Variants in IKZF2 observed in about 807,000 individuals in gnomAD.
The protein encoded by IKZF2 is zinc finger protein Helios.
Under a neutral mutation model 49.2 loss-of-function variants are expected in IKZF2, and 15 were observed. The observed-to-expected ratio is 0.30, with a 90% confidence interval of 0.20 to 0.47. The LOEUF is 0.47. Among genes scored for constraint, IKZF2 ranks in the 20% least tolerant of loss-of-function variants. IKZF2 has a pLI of 1.00. For missense variants in IKZF2, 567 were observed against 664.6 expected, an observed-to-expected ratio of 0.85 and a Z score of 1.61; for synonymous variants, 227 against 221.4, an observed-to-expected ratio of 1.03 and a Z score of -0.23.
rs578092725 is a variant in IKZF2 at position 213,054,639 on chromosome 2, G to A, written c.406+2194C>T. 6.6e-5 allele frequency among the ~76,000 whole-genome samples: 10 copies of A among 152,188 alleles called. No homozygotes were observed. In the East Asian group the frequency reaches 1.2e-3, roughly 18 times the overall value. On this transcript the variant is annotated intron_variant, in intron 5 of 8. Coordinates refer to ENST00000434687, the MANE Select transcript of IKZF2 (RefSeq NM_001387220.1). ...GCATGACAGGTATCACAGCTTCTCC[G>A]TAAATGGCTATTAACTTTAAGAAAA...
intron 4 of IKZF2, among the ~76,000 whole-genome samples, chr2:213,114,220 G>A (rs1350684154): frequency 6.6e-6 from 1 of 152,042 alleles, no homozygotes; most frequent in African/African-American, 2.4e-5. Flanking sequence ...ATAATAAAAA[G>A]GTGTGGATGT....
intron 4 of IKZF2, among the ~76,000 whole-genome samples, chr2:213,096,962 T>A (rs1706071049): frequency 6.6e-6 from 1 of 151,994 alleles, no homozygotes; most frequent in African/African-American, 2.4e-5. Flanking sequence ...TTTATTTCAT[T>A]GATTGGAAAT....
At chr2:213,099,255 A>C (rs1403429332) in intron 4 of IKZF2, among the ~76,000 whole-genome samples, 1 of 152,152 alleles carries the variant, frequency 6.6e-6, no homozygotes, top group Non-Finnish European at 1.5e-5. Context: ...GAAGGAAACA[A>C]ATATTGTAAA....
intron 4 of IKZF2, among the ~76,000 whole-genome samples, chr2:213,121,587 A>G (rs936260053): frequency 2.6e-5 from 4 of 152,232 alleles, no homozygotes; most frequent in African/African-American, 9.6e-5. Context: ...TACAAGGACC[A>G]TTATGAAATG....
chr2:213,148,578 A>T lies in IKZF2; in HGVS notation c.34+18T>A. The T allele has an allele frequency of 1.3e-6, 2 of 1,590,146 alleles. No homozygotes were observed. Among genetic ancestry groups the T allele is most frequent in the Middle Eastern group, 1.7e-4 (1 of 6,000 alleles). Reference sequence around the variant, plus strand: ...CAACTTTATTACCAATAACAAATCAATGAAAACTAATACTTACACGTTATA... The same window carrying T: ...CAACTTTATTACCAATAACAAATCATTGAAAACTAATACTTACACGTTATA... On this transcript the variant is annotated intron_variant, in intron 3 of 8. Coordinates refer to ENST00000434687, the MANE Select transcript of IKZF2 (RefSeq NM_001387220.1).
intron 4 of IKZF2, among the ~76,000 whole-genome samples, chr2:213,141,495 T>C (rs949512370): frequency 4.6e-5 from 7 of 151,998 alleles, no homozygotes; most frequent in African/African-American, 1.7e-4. Flanking sequence ...AGACTCCAAC[T>C]TTATAGTCTA....
At chr2:213,028,568 A>G (rs1488836416) in intron 6 of IKZF2, among the ~76,000 whole-genome samples, 1 of 152,094 alleles carries the variant, frequency 6.6e-6, no homozygotes, top group Non-Finnish European at 1.5e-5. Context: ...TTTTACGTAC[A>G]CAGTTCTTAC....
At chr2:213,101,664 T>A (rs1219583577) in intron 4 of IKZF2, among the ~76,000 whole-genome samples, 1 of 152,146 alleles carries the variant, frequency 6.6e-6, no homozygotes, top group Non-Finnish European at 1.5e-5. Flanking sequence ...AGTACGACCC[T>A]AACGTCTTAT....
At chr2:213,139,117 A>G (rs1437544943) in intron 4 of IKZF2, among the ~76,000 whole-genome samples, 1 of 152,032 alleles carries the variant, frequency 6.6e-6, no homozygotes, top group Non-Finnish European at 1.5e-5. Flanking sequence ...AAGCAGAAAT[A>G]TAAATCACAC....
chr2:213,085,637 C>T (rs1368229883), intron 4 of IKZF2, among the ~76,000 whole-genome samples: 5 of 152,166 alleles, frequency 3.3e-5, no homozygotes, highest in Non-Finnish European at 5.9e-5. Context: ...GGTGTTGCAG[C>T]ATTAATGATA....
chr2:213,089,029 C>A (rs990815960), intron 4 of IKZF2, among the ~76,000 whole-genome samples: 3 of 152,114 alleles, frequency 2.0e-5, no homozygotes, highest in Non-Finnish European at 4.4e-5. Context: ...TCCTGGCTCT[C>A]GAATCCTTTG....
chr2:213,079,952 GC>G (rs1703747732), intron 4 of IKZF2, among the ~76,000 whole-genome samples: 1 of 152,086 alleles, frequency 6.6e-6, no homozygotes, highest in African/African-American at 2.4e-5. Context: ...CTGGAACCCT[GC>G]CAAAAGCTTT....
At chr2:213,084,497 G>A (rs1490665967) in intron 4 of IKZF2, among the ~76,000 whole-genome samples, 1 of 151,702 alleles carries the variant, frequency 6.6e-6, no homozygotes, top group East Asian at 1.9e-4. Context: ...TTTGGGGTAA[G>A]GAAATGAACA....
chr2:213,029,139 G>C (rs187480955), intron 6 of IKZF2, among the ~76,000 whole-genome samples: 1 of 151,910 alleles, frequency 6.6e-6, no homozygotes, highest in African/African-American at 2.4e-5. Flanking sequence ...TTCTTGTAAT[G>C]TCTTTGATTT....
At position 213,007,637 on chromosome 2, in the gene IKZF2, G is replaced by A. The variant is rs1695477013; in HGVS notation, c.1304C>T (p.Ala435Val). 1 of 1,613,676 alleles carries A rather than the reference G, an allele frequency of 6.2e-7. No individual in the cohort carries two copies. The highest frequency in any genetic ancestry group is 8.5e-7 in the Non-Finnish European group (1 of 1,179,728). The change falls in exon 9 of 9, where the codon GCT (alanine) becomes GTT (valine). Residue 435 changes from alanine (A) to valine (V), a missense_variant. Around this residue, in one of 5 missense-constraint regions of IKZF2, gnomAD observed 310 missense variants for 326.9 expected, o/e 0.95. Coordinates refer to ENST00000434687, the MANE Select transcript of IKZF2 (RefSeq NM_001387220.1). ...ALNPKRKQSP[A>V]YMKEDVKALD... The stretch of plus-strand genomic sequence containing the variant: ...AGCTTTGACATCCTCCTTCATGTAA[G>A]CTGGGCTTTGTTTCCTCTTGGGATT...
At chr2:213,079,863 C>T (rs1163940589) in intron 4 of IKZF2, among the ~76,000 whole-genome samples, 1 of 152,136 alleles carries the variant, frequency 6.6e-6, no homozygotes, top group Non-Finnish European at 1.5e-5. Context: ...CTATGACATA[C>T]CCTAAATGAA....
chr2:213,043,242 A>G (rs2125283969), intron 6 of IKZF2, among the ~76,000 whole-genome samples: 1 of 152,244 alleles, frequency 6.6e-6, no homozygotes, highest in East Asian at 1.9e-4. Flanking sequence ...TGTATTCCAG[A>G]TATTTTTCAA....
chr2:213,044,823 G>C (rs1699997219), intron 6 of IKZF2, among the ~76,000 whole-genome samples: 1 of 152,108 alleles, frequency 6.6e-6, no homozygotes, highest in Non-Finnish European at 1.5e-5. Context: ...TGATTTGAAG[G>C]GTTATAGAAT....
chr2:213,097,650 A>C (rs1706172219), intron 4 of IKZF2, among the ~76,000 whole-genome samples: 1 of 152,132 alleles, frequency 6.6e-6, no homozygotes, highest in Non-Finnish European at 1.5e-5. Flanking sequence ...ATTTCATCAT[A>C]TATAAGCAGA....
Sources: allele counts gnomAD v4.1 joint callset (sites outside exome capture counted in the v4.1 genomes callset), GRCh38; gene constraint gnomAD v4.1.1; regional missense constraint gnomAD v4.1.1; transcripts MANE v1.5; gene names NCBI Gene and HGNC (gene_info 2026-07-23, HGNC 2026-07-21).